Variants in DUSP16 observed in about 807,000 individuals in gnomAD.
DUSP16 encodes dual specificity protein phosphatase 16.
Under a neutral mutation model 58.3 loss-of-function variants are expected in DUSP16, and 21 were observed. The observed-to-expected ratio is 0.36, with a 90% confidence interval of 0.26 to 0.52. DUSP16 has a LOEUF of 0.52. Ranked by LOEUF, DUSP16 falls within the 20% of genes least tolerant of loss-of-function variation. The pLI, the probability that DUSP16 is intolerant of heterozygous loss-of-function variation, is 0.94. For synonymous variants in DUSP16, 320 were observed against 323.8 expected (o/e 0.99, Z 0.12); for missense variants, 726 against 819.0 (o/e 0.89, Z 1.39).
chr12:12,529,903 C>T (rs1482211892), intron 1 of DUSP16, among the ~76,000 whole-genome samples: 6 of 152,142 alleles, frequency 3.9e-5, no homozygotes, highest in Non-Finnish European at 1.5e-5. Flanking sequence ...TCATTGTGTA[C>T]ATATATACCA....
At chr12:12,524,530 T>G (rs1019713841) in intron 1 of DUSP16, among the ~76,000 whole-genome samples, 2 of 152,266 alleles carry the variant, frequency 1.3e-5, no homozygotes, top group East Asian at 3.8e-4. Context: ...TTTAAAAATT[T>G]CTCTGTAGTT....
chr12:12,556,847 G>A (rs964920392), intron 1 of DUSP16, among the ~76,000 whole-genome samples: 4 of 152,126 alleles, frequency 2.6e-5, no homozygotes, highest in Non-Finnish European at 4.4e-5. Context: ...ATATGCCATA[G>A]GGACAAGAGT....
chr12:12,558,987 G>C (rs1944853238), intron 1 of DUSP16, among the ~76,000 whole-genome samples: 1 of 152,094 alleles, frequency 6.6e-6, no homozygotes, highest in Non-Finnish European at 1.5e-5. Flanking sequence ...CTAACTCCCT[G>C]TCTCAATCCA....
At chr12:12,494,919 A>C (rs1282954729) in intron 4 of DUSP16, among the ~76,000 whole-genome samples, 1 of 152,218 alleles carries the variant, frequency 6.6e-6, no homozygotes, top group Non-Finnish European at 1.5e-5. Context: ...ATTAGTGGTT[A>C]GTGTGGAATC....
chr12:12,486,974 C>T (rs1185316609), intron 5 of DUSP16, 54 bp downstream of exon 5: 2 of 1,599,990 alleles, frequency 1.3e-6, no homozygotes, highest in Non-Finnish European at 1.7e-6. Flanking sequence ...AGGGGGTTCA[C>T]CTACACATGA....
rs1349863004 is a variant in DUSP16, at chr12:12,554,746, T to C, written c.-366+7371A>G. ...ACTATTATAGCTGAAAACATTATGG[T>C]TGTAACTATTAAATATCACCTAATA... On this transcript the variant is annotated intron_variant, in intron 1 of 6. Transcript: ENST00000298573. 8.5e-5 allele frequency: 13 copies of C among 152,146 alleles called. No individual in the cohort carries two copies. In the East Asian group the frequency reaches 2.3e-3, roughly 27 times the overall value. 9.4% of individuals were successfully genotyped at this position (152,146 alleles called of 1,614,324 possible). A position where few individuals can be genotyped will look rare whatever the true frequency, so the allele number is the denominator to read the frequency against.
At chr12:12,519,283 CTT>C (rs1041192567) in intron 3 of DUSP16, among the ~76,000 whole-genome samples, 1 of 152,056 alleles carries the variant, frequency 6.6e-6, no homozygotes, top group Non-Finnish European at 1.5e-5. Flanking sequence ...TACGTTGAGA[CTT>C]TTTTTTAATT....
intron 4 of DUSP16, among the ~76,000 whole-genome samples, chr12:12,494,464 G>C (rs939252863): frequency 3.3e-5 from 5 of 152,160 alleles, no homozygotes; most frequent in Non-Finnish European, 7.3e-5. Flanking sequence ...TAAGACAGTT[G>C]CACGAATAAT....
intron 6 of DUSP16, among the ~76,000 whole-genome samples, chr12:12,478,483 C>T (rs963471187): frequency 3.3e-5 from 5 of 152,084 alleles, no homozygotes; most frequent in South Asian, 2.1e-4. Flanking sequence ...CAGGACTACA[C>T]GCTTGGCTAA....
At chr12:12,506,118 C>G (rs560340676) in intron 3 of DUSP16, 1 of 152,144 alleles carries the variant, frequency 6.6e-6, no homozygotes, top group Admixed American at 6.5e-5. Flanking sequence ...CTAGTGACTC[C>G]AGTTTCGTTT....
At chr12:12,527,904 G>A (rs975724208) in intron 1 of DUSP16, among the ~76,000 whole-genome samples, 1 of 152,152 alleles carries the variant, frequency 6.6e-6, no homozygotes, top group Admixed American at 6.5e-5. Flanking sequence ...TACATCTCAA[G>A]GACCCACAGA....
In DUSP16 at chr12:12,474,548, G is replaced by A. The variant is rs901224220; in HGVS notation, c.*2285C>T. ...ACCTAAAGACATCCAAGCAGCTCCA[G>A]AGCCTGCCTCCGAGGCCACCCCTTC... On this transcript the variant is annotated 3_prime_UTR_variant, in exon 7 of 7. Coordinates refer to ENST00000298573, the MANE Select transcript of DUSP16 (RefSeq NM_030640.3). The A allele has an allele frequency of 9.2e-5, 14 of 152,372 alleles. No homozygotes were observed. Among genetic ancestry groups the A allele is most frequent in the African/African-American group, 3.4e-4 (14 of 41,430 alleles). The allele number at this position is 152,372 out of a possible 1,614,324, so 9.4% of individuals were successfully genotyped here.
intron 1 of DUSP16, among the ~76,000 whole-genome samples, chr12:12,524,324 C>T (rs1944273365): frequency 6.6e-6 from 1 of 152,208 alleles, no homozygotes; most frequent in African/African-American, 2.4e-5. Context: ...TCTTTCAGTG[C>T]TGTACTGAGG....
intron 5 of DUSP16, among the ~76,000 whole-genome samples, chr12:12,485,103 G>A (rs1943656259): frequency 6.6e-6 from 1 of 150,734 alleles, no homozygotes; most frequent in Admixed American, 6.6e-5. Context: ...TCCGCCTCCT[G>A]GATTCAAGCA....
chr12:12,488,786 AG>A (rs1440846495), intron 4 of DUSP16, among the ~76,000 whole-genome samples: 2 of 152,218 alleles, frequency 1.3e-5, no homozygotes, highest in Non-Finnish European at 2.9e-5. Flanking sequence ...TTTACATAAA[AG>A]GTGAACAGCA....
intron 1 of DUSP16, among the ~76,000 whole-genome samples, chr12:12,552,873 C>T (rs1481712773): frequency 3.3e-5 from 5 of 152,176 alleles, no homozygotes; most frequent in South Asian, 4.1e-4. Context: ...CTCTGCCTCC[C>T]GGGTTCAAGC....
At chr12:12,496,004 A>G (rs1943822628) in intron 4 of DUSP16, among the ~76,000 whole-genome samples, 1 of 152,222 alleles carries the variant, frequency 6.6e-6, no homozygotes, top group Admixed American at 6.5e-5. Flanking sequence ...TGTGGCGTGT[A>G]GGTAAAGAGA....
intron 1 of DUSP16, among the ~76,000 whole-genome samples, chr12:12,546,364 G>A (rs1445603187): frequency 6.6e-6 from 1 of 152,202 alleles, no homozygotes; most frequent in South Asian, 2.1e-4. Context: ...ATTTTGCAAT[G>A]AAACTGTCAG....
At chr12:12,554,011 A>C (rs1225056397) in intron 1 of DUSP16, among the ~76,000 whole-genome samples, 1 of 151,930 alleles carries the variant, frequency 6.6e-6, no homozygotes, top group Middle Eastern at 3.2e-3. Flanking sequence ...CAGCCTGGCC[A>C]CCCTGGTGAA....
Sources: allele counts gnomAD v4.1 joint callset (sites outside exome capture counted in the v4.1 genomes callset), GRCh38; gene constraint gnomAD v4.1.1; transcripts MANE v1.5; gene names NCBI Gene and HGNC (gene_info 2026-07-23, HGNC 2026-07-21).